The following PPP3CB variants were observed in gnomAD, a reference collection of about 807,000 sequenced individuals.
The protein encoded by PPP3CB is serine/threonine-protein phosphatase 2B catalytic subunit beta isoform.
Under a neutral mutation model 66.4 loss-of-function variants are expected in PPP3CB, and 8 were observed. That is an observed-to-expected ratio of 0.12 (90% CI 0.07 to 0.22). PPP3CB has a LOEUF of 0.22. Ranked by LOEUF, PPP3CB falls within the 10% of genes least tolerant of loss-of-function variation. The pLI, the probability that PPP3CB is intolerant of heterozygous loss-of-function variation, is 1.00. For synonymous variants in PPP3CB, 208 were observed against 221.2 expected (o/e 0.94, Z 0.53); for missense variants, 319 against 642.5 (o/e 0.50, Z 5.44).
At chr10:73,445,072 G>A (rs1431588830) in intron 11 of PPP3CB, among the ~76,000 whole-genome samples, 3 of 152,120 alleles carry the variant, frequency 2.0e-5, no homozygotes, top group African/African-American at 7.2e-5. Flanking sequence ...GATTCATCAA[G>A]GGGCATCATA....
At chr10:73,491,022 GTTTTT>G (rs528238766) in intron 1 of PPP3CB, among the ~76,000 whole-genome samples, 226 of 40,880 alleles carry the variant, frequency 5.5e-3, no homozygotes, top group African/African-American at 0.013. Flanking sequence ...TGTTTTTATT[GTTTTT>G]TTTTTTTTTT....
At chr10:73,474,183 C>T (rs547832698) in intron 4 of PPP3CB, among the ~76,000 whole-genome samples, 2 of 151,976 alleles carry the variant, frequency 1.3e-5, no homozygotes, top group South Asian at 4.2e-4. Context: ...CCTGGGATTA[C>T]AGGCACATGT....
chr10:73,444,067 A>G (rs1280159819), intron 12 of PPP3CB: 2 of 152,622 alleles, frequency 1.3e-5, no homozygotes, highest in Non-Finnish European at 2.9e-5. Flanking sequence ...ACCTAAAGAA[A>G]GACAGACAGA....
intron 9 of PPP3CB, among the ~76,000 whole-genome samples, chr10:73,458,586 G>C (rs1174971470): frequency 1.3e-5 from 2 of 151,754 alleles, no homozygotes; most frequent in African/African-American, 2.4e-5. Context: ...TAGACTGCTT[G>C]AGCTCAGGAG....
At chr10:73,480,649 TGGCCA>T (rs1371664378) in intron 1 of PPP3CB, among the ~76,000 whole-genome samples, 1 of 152,170 alleles carries the variant, frequency 6.6e-6, no homozygotes, top group East Asian at 1.9e-4. Context: ...TTCACCATGT[TGGCCA>T]GGCTGGTGTC....
intron 10 of PPP3CB, among the ~76,000 whole-genome samples, chr10:73,449,462 A>G (rs1289447953): frequency 6.6e-6 from 1 of 152,222 alleles, no homozygotes; most frequent in Non-Finnish European, 1.5e-5. Flanking sequence ...TGAGCTTTCC[A>G]TATCTTCCAT....
chr10:73,457,595 G>A (rs540544735), intron 9 of PPP3CB, among the ~76,000 whole-genome samples: 215 of 151,748 alleles, frequency 1.4e-3, no homozygotes, highest in African/African-American at 4.5e-3. Flanking sequence ...AAAATTAGCC[G>A]GGCATGGTGG....
In PPP3CB at chr10:73,442,766, T is replaced by C. The variant is rs531568890; in HGVS notation, c.1366+1959A>G. Among the ~76,000 whole-genome samples the C allele has an allele frequency of 1.6e-4, 24 of 151,846 alleles. No homozygotes were observed. In the South Asian group the frequency reaches 5.0e-3, roughly 32 times the overall value. On this transcript the variant is annotated intron_variant, in intron 12 of 13. Transcript: ENST00000360663. ...AAAGAAACCTCATTCAGAATGAAAA[T>C]TTATAATTTCAAAACACAGTGTACT...
intron 3 of PPP3CB, among the ~76,000 whole-genome samples, chr10:73,477,957 A>G (rs2132964779): frequency 6.6e-6 from 1 of 152,156 alleles, no homozygotes; most frequent in Admixed American, 6.5e-5. Flanking sequence ...AAGAAAAGGA[A>G]CCATCTACTG....
At chr10:73,477,631 A>G (rs1050255008) in intron 3 of PPP3CB, among the ~76,000 whole-genome samples, 5 of 152,222 alleles carry the variant, frequency 3.3e-5, no homozygotes, top group African/African-American at 1.2e-4. Context: ...TAATTTAAAA[A>G]GATGGCAGGG....
intron 3 of PPP3CB, among the ~76,000 whole-genome samples, chr10:73,475,786 T>C (rs1209543508): frequency 6.6e-6 from 1 of 152,194 alleles, no homozygotes; most frequent in Non-Finnish European, 1.5e-5. Context: ...TTTTACTTAT[T>C]TGCTTAAAAA....
chr10:73,491,133 C>T (rs554359830), intron 1 of PPP3CB, among the ~76,000 whole-genome samples: 1 of 143,684 alleles, frequency 7.0e-6, no homozygotes, highest in South Asian at 2.3e-4. Flanking sequence ...CAGGTTCAAG[C>T]GATTCTCCTG....
intron 1 of PPP3CB, among the ~76,000 whole-genome samples, chr10:73,480,083 A>G (rs1471917858): frequency 6.6e-6 from 1 of 152,232 alleles, no homozygotes; most frequent in Non-Finnish European, 1.5e-5. Flanking sequence ...TTCCTTTCTA[A>G]TAAGAACATA....
intron 8 of PPP3CB, among the ~76,000 whole-genome samples, chr10:73,468,859 A>C (rs2056660646): frequency 6.6e-6 from 1 of 152,250 alleles, no homozygotes; most frequent in Non-Finnish European, 1.5e-5. Context: ...AGTCTCAAAA[A>C]TTATGAGCTG....
chr10:73,438,520 G>T, intron 13 of PPP3CB, 100 bp from the exon 14 acceptor site: 1 of 1,030,196 alleles, frequency 9.7e-7, no homozygotes, highest in South Asian at 1.4e-5. Context: ...ATTAGTAGCT[G>T]TAAGTAGCAA....
At chr10:73,459,806 TA>T in intron 9 of PPP3CB, among the ~76,000 whole-genome samples, 1 of 151,984 alleles carries the variant, frequency 6.6e-6, no homozygotes, top group East Asian at 1.9e-4. Flanking sequence ...CAAGGGGGGT[TA>T]GGGGAAAATG....
At chr10:73,455,342 T>G (rs781002669) in intron 9 of PPP3CB, among the ~76,000 whole-genome samples, 3 of 152,234 alleles carry the variant, frequency 2.0e-5, no homozygotes, top group Non-Finnish European at 2.9e-5. Flanking sequence ...GTTCCCAAGA[T>G]TCTGCTCTTC....
At chr10:73,458,420 A>C (rs994625270) in intron 9 of PPP3CB, among the ~76,000 whole-genome samples, 1 of 152,080 alleles carries the variant, frequency 6.6e-6, no homozygotes, top group African/African-American at 2.4e-5. Context: ...TACAGGTGTG[A>C]GCCACCGCAC....
intron 1 of PPP3CB, among the ~76,000 whole-genome samples, chr10:73,481,936 A>T (rs1370870425): frequency 6.6e-6 from 1 of 152,154 alleles, no homozygotes; most frequent in East Asian, 1.9e-4. Context: ...CCCCAAATAT[A>T]GCATGTCAAG....
Sources: allele counts gnomAD v4.1 joint callset (sites outside exome capture counted in the v4.1 genomes callset), GRCh38; gene constraint gnomAD v4.1.1; transcripts MANE v1.5; gene names NCBI Gene and HGNC (gene_info 2026-07-23, HGNC 2026-07-21).